The following KLRC1 variants were observed in gnomAD, a reference collection of about 807,000 sequenced individuals.
KLRC1 encodes NKG2-A/NKG2-B type II integral membrane protein.
A neutral mutation model predicts 25.9 loss-of-function variants in KLRC1; 22 were observed. The observed-to-expected ratio is 0.85, with a 90% CI of 0.61 to 1.21. The LOEUF is 1.21. Among genes scored for constraint, KLRC1 ranks in the 50% most tolerant of loss-of-function variants. The pLI, the probability that KLRC1 is intolerant of heterozygous loss-of-function variation, is 0.00. For synonymous variants in KLRC1, 77 were observed against 93.1 expected, an observed-to-expected ratio of 0.83 and a Z score of 0.99; for missense variants, 240 against 272.2, an observed-to-expected ratio of 0.88 and a Z score of 0.83.
At chr12:10,447,116 C>G (rs36086508) in intron 6 of KLRC1, 60 of 213,568 alleles carry the variant, frequency 2.8e-4, no homozygotes, top group African/African-American at 1.3e-3. Context: ...CCAGCTCGAG[C>G]TTGTCCAACT....
chr12:10,451,972 A>T (rs1265514117), intron 1 of KLRC1, among the ~76,000 whole-genome samples: 2 of 151,844 alleles, frequency 1.3e-5, no homozygotes, highest in Non-Finnish European at 2.9e-5. Context: ...ATGAAAATCA[A>T]TAGAGGTAAT....
In KLRC1 at chr12:10,447,639, G is replaced by C; in HGVS notation, c.490-7C>G. 6.3e-7 allele frequency: 1 copy of C among 1,576,248 alleles called. No individual in the cohort carries two copies. The highest frequency in any genetic ancestry group is 1.2e-5 in the South Asian group (1 of 84,444). ...AAATGATGGACAGAAATTTCTAAAA[G>C]AAAAGAAAGAATTTTCACTTAAATA... On this transcript the variant is annotated splice_region_variant and splice_polypyrimidine_tract_variant and intron_variant, in intron 5 of 6. Coordinates refer to ENST00000359151, the MANE Select transcript of KLRC1 (RefSeq NM_002259.5).
chr12:10,451,245 CAATT>C, intron 1 of KLRC1, 58 bp from the exon 2 acceptor site: 2 of 1,010,498 alleles, frequency 2.0e-6, no homozygotes, highest in Non-Finnish European at 2.7e-6. Context: ...TTCCCTAGTG[CAATT>C]AAAAGGGTGA....
chr12:10,443,403 G>A (rs1350243155), downstream of KLRC1, among the ~76,000 whole-genome samples: 8 of 140,026 alleles, frequency 5.7e-5, 1 homozygote, highest in East Asian at 6.4e-4. Flanking sequence ...TAATAGTGCC[G>A]TCTTAATATA....
At chr12:10,452,583 A>G (rs1464657877) in intron 1 of KLRC1, among the ~76,000 whole-genome samples, 1 of 152,160 alleles carries the variant, frequency 6.6e-6, no homozygotes, top group Non-Finnish European at 1.5e-5. Context: ...TTTAGTCACA[A>G]TTGTTATGTT....
At chr12:10,452,218 A>G (rs1352901003) in intron 1 of KLRC1, among the ~76,000 whole-genome samples, 1 of 152,160 alleles carries the variant, frequency 6.6e-6, no homozygotes, top group African/African-American at 2.4e-5. Context: ...GAACCAAAAA[A>G]TGATAAATAA....
chr12:10,453,497 T>A (rs1318692892), upstream of KLRC1: 2 of 327,136 alleles, frequency 6.1e-6, no homozygotes, highest in Non-Finnish European at 8.7e-6. Context: ...ACTTGGTCTA[T>A]TAAAAGTACA....
downstream of KLRC1, among the ~76,000 whole-genome samples, chr12:10,443,159 A>C (rs571193895): frequency 2.8e-5 from 4 of 141,866 alleles, no homozygotes; most frequent in East Asian, 8.4e-4. Flanking sequence ...GTATAACTGG[A>C]TTGTTTGTAA....
At position 10,453,375 on chromosome 12, in the gene KLRC1, T is replaced by A. The variant is rs950648222; in HGVS notation, c.-209A>T. On this transcript the variant is annotated 5_prime_UTR_variant, in exon 1 of 7. Transcript: ENST00000359151. The stretch of plus-strand genomic sequence containing the variant: ...GTGAAGGCTCAGAGTGAGTCAAGAG[T>A]GGAAAAAGTAGATTTCTCATCAACG... 8.1e-6 allele frequency: 8 copies of A among 985,084 alleles called. No homozygotes were observed. The African/African-American group carries it at 1.2e-4, about 15-fold the overall frequency. 61.0% of individuals were successfully genotyped at this position (985,084 alleles called of 1,614,324 possible).
intron 5 of KLRC1, among the ~76,000 whole-genome samples, chr12:10,448,711 A>C (rs1446078796): frequency 6.6e-6 from 1 of 152,256 alleles, no homozygotes; most frequent in African/African-American, 2.4e-5. Flanking sequence ...GAGGAATTGC[A>C]TAAATATCAG....
At chr12:10,450,946 T>C (rs770135958) in intron 2 of KLRC1, 24 bp downstream of exon 2, 8 of 1,554,786 alleles carry the variant, frequency 5.1e-6, no homozygotes, top group Admixed American at 1.7e-5. Context: ...GACTGTTATA[T>C]TGAGGATCTT....
Position 10,453,253 on chromosome 12 carries a change from A to T in KLRC1, c.-87T>A. 2 of 985,324 alleles carry T rather than the reference A, an allele frequency of 2.0e-6. No individual in the cohort carries two copies. The highest frequency in any genetic ancestry group is 2.4e-6 in the Non-Finnish European group (2 of 829,848). 61.0% of individuals were successfully genotyped at this position (985,324 alleles called of 1,614,324 possible). A position where few individuals can be genotyped will look rare whatever the true frequency, so the allele number is the denominator to read the frequency against. On this transcript the variant is annotated 5_prime_UTR_variant, in exon 1 of 7. Transcript: ENST00000359151. ...AGTGGAGAGGCCAGGTTAGTCTCAT[A>T]AAAAGGCCTGCTATAGCTGTGTAAT...
At position 10,446,483 on chromosome 12, in the gene KLRC1, CAT is replaced by C; in HGVS notation, c.*66_*67del. On this transcript the variant is annotated 3_prime_UTR_variant, in exon 7 of 7. Transcript: ENST00000359151. ...TAATTCATTTTAAGATTTATGCAATCATAATATATTTCTATTTTAAGAAATAT... is the reference window on the plus strand; with the variant it reads ...TAATTCATTTTAAGATTTATGCAATCAATATATTTCTATTTTAAGAAATAT... 1 of 1,504,414 alleles carries C rather than the reference CAT, an allele frequency of 6.6e-7. No homozygotes were observed. Among genetic ancestry groups the C allele is most frequent in the East Asian group, 2.5e-5 (1 of 40,744 alleles). The allele number at this position is 1,504,414 out of a possible 1,614,324, so 93.2% of individuals were successfully genotyped here. A position where few individuals can be genotyped will look rare whatever the true frequency, so the allele number is the denominator to read the frequency against.
chr12:10,454,130 G>C (rs1864170806), upstream of KLRC1, among the ~76,000 whole-genome samples: 1 of 152,162 alleles, frequency 6.6e-6, no homozygotes, highest in Admixed American at 6.5e-5. Flanking sequence ...AATCTTACTA[G>C]GAGGAAAGTC....
At chr12:10,451,220 G>T in intron 1 of KLRC1, 33 bp from the exon 2 acceptor site, 1 of 1,371,532 alleles carries the variant, frequency 7.3e-7, no homozygotes, top group Non-Finnish European at 9.8e-7. Flanking sequence ...GTTAATAAAT[G>T]GTTTATATAC....
chr12:10,447,826 C>T (rs1043789731), intron 5 of KLRC1, among the ~76,000 whole-genome samples, 194 bp from the exon 6 acceptor site: 6 of 152,034 alleles, frequency 3.9e-5, no homozygotes, highest in Non-Finnish European at 7.4e-5. Context: ...AGTTTTAATT[C>T]TTGCATTATA....
chr12:10,451,609 T>C (rs1407727457), intron 1 of KLRC1, among the ~76,000 whole-genome samples: 1 of 152,012 alleles, frequency 6.6e-6, no homozygotes, highest in African/African-American at 2.4e-5. Context: ...TGAGCGGAGA[T>C]TGTGCCACTG....
At chr12:10,443,592 G>A (rs1863938877), downstream of KLRC1, among the ~76,000 whole-genome samples, 1 of 141,566 alleles carries the variant, frequency 7.1e-6, no homozygotes, top group Non-Finnish European at 1.5e-5. Context: ...TTTTCTCTCA[G>A]TGCTTAACAC....
chr12:10,448,252 A>C (rs565754719), intron 5 of KLRC1, among the ~76,000 whole-genome samples: 34 of 152,332 alleles, frequency 2.2e-4, no homozygotes, highest in Admixed American at 5.2e-4. Context: ...CCCTAGCATC[A>C]GGGATCAACC....
Sources: gnomAD v4.1 joint callset for allele counts (sites outside exome capture counted in the v4.1 genomes callset) on GRCh38, gnomAD v4.1.1 for gene constraint, MANE v1.5 for transcripts, NCBI Gene and HGNC (gene_info 2026-07-23, HGNC 2026-07-21) for gene names.